The following MICALL2 variants were observed in gnomAD, a reference collection of about 807,000 sequenced individuals.
MICALL2 encodes MICAL-like protein 2.
MICALL2 carries 111 observed loss-of-function variants against 91.1 expected under a neutral mutation model. The observed-to-expected ratio is 1.22, with a 90% confidence interval of 1.04 to 1.43. The LOEUF is 1.43. MICALL2 is among the 40% of genes most tolerant of loss of function. The pLI, the probability that MICALL2 is intolerant of heterozygous loss-of-function variation, is 0.00. For missense variants in MICALL2, 1,556 were observed against 1,236.0 expected, an observed-to-expected ratio of 1.26 and a Z score of -3.88; for synonymous variants, 694 against 525.3, an observed-to-expected ratio of 1.32 and a Z score of -4.39.
chr7:1,446,537 G>GGGGAGGAGGC (rs1780593364), intron 5 of MICALL2, 176 bp downstream of exon 5: 1 of 562,950 alleles, frequency 1.8e-6, no homozygotes, highest in Admixed American at 2.7e-5. Flanking sequence ...GGGGAGGAGA[G>GGGGAGGAGGC]GGGAGGAGGC....
At chr7:1,454,191 T>C (rs1780933640) in intron 1 of MICALL2, among the ~76,000 whole-genome samples, 1 of 151,308 alleles carries the variant, frequency 6.6e-6, no homozygotes, top group Admixed American at 6.6e-5. Context: ...GGTGCAGGAC[T>C]TGGAAGGGAA....
chr7:1,440,480 G>A (rs1780227536), intron 8 of MICALL2, 111 bp downstream of exon 8: 1 of 945,936 alleles, frequency 1.1e-6, no homozygotes, highest in Non-Finnish European at 1.7e-6. Flanking sequence ...TACTCACAGG[G>A]AGGTGCGTCT....
rs541879137 is a variant in MICALL2, at chr7:1,439,664, C to G, written c.1966+261G>C. ...GCATCACGTGCACATGCATCACACA[C>G]ATGAACACAGATGTACACATGCGCA... On this transcript the variant is annotated intron_variant, in intron 9 of 16. Transcript: ENST00000297508. 8.1e-4 allele frequency: 322 copies of G among 395,694 alleles called. 3 individuals are homozygous for G. The Admixed American group carries it at 9.3e-3, about 11-fold the overall frequency. The allele number at this position is 395,694 out of a possible 1,614,324, so 24.5% of individuals were successfully genotyped here.
At chr7:1,446,573 A>AG (rs1450855703) in intron 5 of MICALL2, 140 bp downstream of exon 5, 4 of 430,178 alleles carry the variant, frequency 9.3e-6, no homozygotes, top group Non-Finnish European at 1.6e-5. Flanking sequence ...GGGGAGGGGG[A>AG]GGGGGGAGGA....
intron 4 of MICALL2, 109 bp downstream of exon 4, chr7:1,447,466 C>G (rs1463270997): frequency 1.6e-5 from 11 of 670,392 alleles, no homozygotes; most frequent in Non-Finnish European, 2.5e-5. Flanking sequence ...GGAGCCGCAC[C>G]CCACTCTGGG....
intron 15 of MICALL2, among the ~76,000 whole-genome samples, chr7:1,436,311 G>A (rs1779961086): frequency 6.6e-6 from 1 of 151,950 alleles, no homozygotes; most frequent in South Asian, 2.1e-4. Flanking sequence ...GAACTCGGCA[G>A]ACGGAGGTTG....
In MICALL2 at chr7:1,444,974, G is replaced by T; in HGVS notation, c.1096C>A (p.Pro366Thr). The stretch of plus-strand genomic sequence containing the variant: ...GCCGGGCGAGGGTCTGGGGCACTCG[G>T]GGGCACGGCGGGATGGGAGGCAGCC... ...AAAASHPAVP[P>T]SAPDPRPATP... The change falls in exon 6 of 17, where the codon CCG becomes ACG. Residue 366 changes from proline to threonine, a missense_variant. Physicochemically the swap from Pro to Thr is conservative, Grantham distance 38. Transcript: ENST00000297508. 1 of 1,505,266 alleles carries T rather than the reference G, an allele frequency of 6.6e-7. No individual in the cohort carries two copies. The highest frequency in any genetic ancestry group is 8.9e-7 in the Non-Finnish European group (1 of 1,126,858). 93.2% of individuals were successfully genotyped at this position (1,505,266 alleles called of 1,614,324 possible). A position where few individuals can be genotyped will look rare whatever the true frequency, so the allele number is the denominator to read the frequency against.
rs1780481251 is a variant in MICALL2 at position 1,444,741 on chromosome 7, T to C, written c.1329A>G (p.Leu443=). 6.2e-7 allele frequency: 1 copy of C among 1,612,456 alleles called. No individual in the cohort carries two copies. The highest frequency in any genetic ancestry group is 8.5e-7 in the Non-Finnish European group (1 of 1,179,840). ...CCTGCTCCTTGCTGCTGTCCTTGGA[T>C]AGAACAAGTGACGGGGTGGGACCTC... The part of the protein sequence containing the change: ...SGRGPTPSLV[L]SKDSSKEQAR... The change falls in exon 6 of 17, where the codon CTA becomes CTG. Residue 443 remains leucine, a synonymous_variant. Coordinates refer to ENST00000297508, the MANE Select transcript of MICALL2 (RefSeq NM_182924.4).
rs370994107 is a variant in MICALL2, at chr7:1,456,585, CAAAT to C, written c.143+2595_143+2598del. Reference sequence around the variant, plus strand: ...TGGGCGACAGAGCTAGACTCTGTCTCAAATAAATAAATAAATAAATAAATAGATA... The same window carrying C: ...TGGGCGACAGAGCTAGACTCTGTCTCAAATAAATAAATAAATAAATAGATA... On this transcript the variant is annotated intron_variant, in intron 1 of 16. Coordinates refer to ENST00000297508, the MANE Select transcript of MICALL2 (RefSeq NM_182924.4). 1.9e-4 allele frequency among the ~76,000 whole-genome samples: 28 copies of C among 151,230 alleles called. 1 individual carries two copies. The highest frequency in any genetic ancestry group is 5.6e-4 in the African/African-American group (23 of 41,150).
chr7:1,449,531 C>G (rs1273412946), intron 2 of MICALL2, among the ~76,000 whole-genome samples: 1 of 152,236 alleles, frequency 6.6e-6, no homozygotes, highest in South Asian at 2.1e-4. Flanking sequence ...AATTTTAGTT[C>G]ATTTTAATTA....
chr7:1,438,972 G>A lies in MICALL2; in HGVS notation c.1990C>T (p.Arg664Cys), dbSNP rs771114460. The A allele has an allele frequency of 3.6e-5, 58 of 1,597,762 alleles. No homozygotes were observed. The highest frequency in any genetic ancestry group is 1.8e-4 in the East Asian group (8 of 44,820). ...CTGGCAGGGACGGCCAGTCTCCTGCGGCGGGGTGGGGAGGGGGACCTGGCT... is the reference window on the plus strand; with the variant it reads ...CTGGCAGGGACGGCCAGTCTCCTGCAGCGGGGTGGGGAGGGGGACCTGGCT... Reference protein sequence around the residue: ...LPARSPSPPRRRRLAVPASLD... With the variant: ...LPARSPSPPRCRRLAVPASLD... The change falls in exon 10 of 17, where the codon CGC becomes TGC. Residue 664 changes from arginine (R) to cysteine (C), a missense_variant. Physicochemically the swap from Arg to Cys is radical, Grantham distance 180 (BLOSUM62 -3). Coordinates refer to ENST00000297508, the MANE Select transcript of MICALL2 (RefSeq NM_182924.4).
chr7:1,442,726 C>T (rs1780366983), intron 6 of MICALL2, among the ~76,000 whole-genome samples: 1 of 152,076 alleles, frequency 6.6e-6, no homozygotes, highest in Non-Finnish European at 1.5e-5. Flanking sequence ...CAATGACCAC[C>T]CTGGCAAGGC....
At position 1,447,778 on chromosome 7, in the gene MICALL2, A is replaced by G; in HGVS notation, c.335-13T>C. ...GCCATGCCCCCAACTGGAGGAATCA[A>G]GCAGGGATCGGGAGGGTCCCAGGCC... On this transcript the variant is annotated splice_polypyrimidine_tract_variant and intron_variant, in intron 3 of 16. Transcript: ENST00000297508. 1 of 1,510,742 alleles carries G rather than the reference A, an allele frequency of 6.6e-7. No homozygotes were observed. The highest frequency in any genetic ancestry group is 8.9e-7 in the Non-Finnish European group (1 of 1,124,818). 93.6% of individuals were successfully genotyped at this position (1,510,742 alleles called of 1,614,324 possible). A position where few individuals can be genotyped will look rare whatever the true frequency, so the allele number is the denominator to read the frequency against.
At chr7:1,439,610 A>G (rs918552457) in intron 9 of MICALL2, 15 of 301,682 alleles carry the variant, frequency 5.0e-5, no homozygotes, top group East Asian at 2.2e-4. Flanking sequence ...TGCATCACAC[A>G]TCACATACAT....
chr7:1,455,228 G>C (rs1339957595), intron 1 of MICALL2, among the ~76,000 whole-genome samples: 4 of 152,230 alleles, frequency 2.6e-5, no homozygotes, highest in Non-Finnish European at 5.9e-5. Flanking sequence ...AATGAAAGGA[G>C]CCAGCCCATG....
chr7:1,458,156 G>C (rs141750513), intron 1 of MICALL2, among the ~76,000 whole-genome samples: 163 of 152,362 alleles, frequency 1.1e-3, no homozygotes, highest in Middle Eastern at 3.4e-3. Flanking sequence ...AGTGGGACTG[G>C]CAGGACAGTG....
intron 10 of MICALL2, 48 bp downstream of exon 10, chr7:1,438,792 G>T (rs369201154): frequency 6.4e-7 from 1 of 1,553,762 alleles, no homozygotes; most frequent in Non-Finnish European, 8.7e-7. Context: ...TCAGAGGAAG[G>T]CTCCCTTCAC....
chr7:1,450,446 AG>A, intron 1 of MICALL2, 158 bp from the exon 2 acceptor site: 2 of 665,270 alleles, frequency 3.0e-6, no homozygotes, highest in South Asian at 1.7e-5. Flanking sequence ...GGCAGAGGCC[AG>A]GGCTCCCGGC....
At chr7:1,438,414 C>A in intron 10 of MICALL2, 61 bp from the exon 11 acceptor site, 1 of 1,553,364 alleles carries the variant, frequency 6.4e-7, no homozygotes, top group Non-Finnish European at 8.7e-7. Context: ...GTGACCAGGA[C>A]ACAGCTTGGA....
Sources: gnomAD v4.1 joint callset for allele counts (sites outside exome capture counted in the v4.1 genomes callset) on GRCh38, gnomAD v4.1.1 for gene constraint, MANE v1.5 for transcripts, NCBI Gene and HGNC (gene_info 2026-07-23, HGNC 2026-07-21) for gene names.